The following GLIS3 variants were observed in gnomAD, a reference collection of about 807,000 sequenced individuals.
GLIS3 encodes zinc finger protein GLIS3.
Under a neutral mutation model 78.6 loss-of-function variants are expected in GLIS3, and 53 were observed. That is an observed-to-expected ratio of 0.67 (90% CI 0.54 to 0.85). The LOEUF (loss-of-function observed/expected upper bound fraction) is 0.85. Among genes scored for constraint, GLIS3 ranks in the 40% least tolerant of loss-of-function variants. The pLI is 0.00. For synonymous variants in GLIS3, 684 were observed against 509.9 expected, an observed-to-expected ratio of 1.34 and a Z score of -4.60; for missense variants, 1,703 against 1,231.1, an observed-to-expected ratio of 1.38 and a Z score of -5.74.
At chr9:3,936,563 A>T (rs1011742982) in intron 5 of GLIS3, among the ~76,000 whole-genome samples, 2 of 152,190 alleles carry the variant, frequency 1.3e-5, no homozygotes, top group African/African-American at 4.8e-5. Context: ...CACTCTTGAA[A>T]ATCATTCTAG....
intron 2 of GLIS3, among the ~76,000 whole-genome samples, chr9:4,262,933 CA>C (rs34292499): frequency 0.28 from 27,207 of 97,832 alleles, 2,461 homozygotes; most frequent in Admixed American, 0.36. Context: ...GTGTTTGCCT[CA>C]AAAAAAAAAA....
intron 2 of GLIS3, among the ~76,000 whole-genome samples, chr9:4,177,478 A>G (rs1242037054): frequency 6.6e-6 from 1 of 152,216 alleles, no homozygotes; most frequent in Non-Finnish European, 1.5e-5. Context: ...TGAAACAGAT[A>G]CAGGTGAAGG....
chr9:4,103,319 C>A (rs922419901), intron 4 of GLIS3, among the ~76,000 whole-genome samples: 48 of 152,198 alleles, frequency 3.2e-4, no homozygotes, highest in African/African-American at 1.1e-3. Context: ...AACCTGAGTA[C>A]AACCCATAAG....
chr9:4,474,094 G>C, the GLIS3 span, among the ~76,000 whole-genome samples: 1 of 152,122 alleles, frequency 6.6e-6, no homozygotes, highest in Non-Finnish European at 1.5e-5. Flanking sequence ...ACATCTGTAA[G>C]CTATCTAAAT....
chr9:4,336,889 C>A (rs746491251), intron 2 of GLIS3, among the ~76,000 whole-genome samples: 11 of 152,134 alleles, frequency 7.2e-5, no homozygotes, highest in Non-Finnish European at 1.3e-4. Context: ...CATGAATACT[C>A]ATATATTCTG....
At chr9:3,927,560 G>A (rs1164925310) in intron 6 of GLIS3, among the ~76,000 whole-genome samples, 1 of 152,166 alleles carries the variant, frequency 6.6e-6, no homozygotes, top group African/African-American at 2.4e-5. Context: ...ATAAGATCCT[G>A]GACCATTACC....
At chr9:4,192,850 A>G (rs1352776768) in intron 2 of GLIS3, among the ~76,000 whole-genome samples, 1 of 152,168 alleles carries the variant, frequency 6.6e-6, no homozygotes, top group Non-Finnish European at 1.5e-5. Flanking sequence ...AGAGATAAAG[A>G]AAGAGAAAAA....
At chr9:4,200,830 C>T (rs1169975537) in intron 2 of GLIS3, among the ~76,000 whole-genome samples, 1 of 152,114 alleles carries the variant, frequency 6.6e-6, no homozygotes, top group Non-Finnish European at 1.5e-5. Context: ...CTGCCTAACT[C>T]GTTCTATGAT....
At chr9:3,837,834 T>C (rs1161844314) in intron 9 of GLIS3, among the ~76,000 whole-genome samples, 4 of 152,212 alleles carry the variant, frequency 2.6e-5, no homozygotes, top group Admixed American at 1.3e-4. Context: ...GGTGGATAGA[T>C]GCCATTATAC....
chr9:4,085,704 C>A (rs1828966195), intron 4 of GLIS3, among the ~76,000 whole-genome samples: 1 of 152,144 alleles, frequency 6.6e-6, no homozygotes, highest in African/African-American at 2.4e-5. Context: ...TTAGCGCTAT[C>A]CCCTCGGTGC....
chr9:4,064,771 C>T (rs1826954171), intron 4 of GLIS3, among the ~76,000 whole-genome samples: 1 of 152,166 alleles, frequency 6.6e-6, no homozygotes, highest in South Asian at 2.1e-4. Context: ...GAGGAAACTA[C>T]TTAAATCTTA....
At chr9:4,017,711 T>A (rs1822552181) in intron 4 of GLIS3, among the ~76,000 whole-genome samples, 1 of 152,022 alleles carries the variant, frequency 6.6e-6, no homozygotes, top group East Asian at 1.9e-4. Flanking sequence ...GGTATCAGAG[T>A]GTTGGTAGAG....
At chr9:4,393,455 T>C in the GLIS3 span, among the ~76,000 whole-genome samples, 1 of 152,196 alleles carries the variant, frequency 6.6e-6, no homozygotes, top group Non-Finnish European at 1.5e-5. Flanking sequence ...CTAATCCACG[T>C]TCCATATCCT....
chr9:3,939,736 T>C (rs889585874), intron 4 of GLIS3, among the ~76,000 whole-genome samples: 1 of 152,170 alleles, frequency 6.6e-6, no homozygotes, highest in Non-Finnish European at 1.5e-5. Flanking sequence ...AATGAAGGGT[T>C]TGACCTCATT....
At chr9:4,216,742 A>G (rs1373775998) in intron 2 of GLIS3, among the ~76,000 whole-genome samples, 2 of 152,168 alleles carry the variant, frequency 1.3e-5, no homozygotes, top group Non-Finnish European at 2.9e-5. Context: ...GAAACTCCCA[A>G]GACTTTACTA....
At chr9:4,389,526 A>G in the GLIS3 span, among the ~76,000 whole-genome samples, 1 of 152,222 alleles carries the variant, frequency 6.6e-6, no homozygotes, top group Non-Finnish European at 1.5e-5. Context: ...TAGAGTCTGC[A>G]TTTCCAAAGG....
intron 4 of GLIS3, among the ~76,000 whole-genome samples, chr9:4,027,945 C>A (rs895736500): frequency 6.6e-6 from 1 of 152,186 alleles, no homozygotes; most frequent in Non-Finnish European, 1.5e-5. Context: ...CAAGGTAGAA[C>A]CCAGTGGGTG....
intron 4 of GLIS3, among the ~76,000 whole-genome samples, chr9:4,099,164 T>A (rs1322192512): frequency 2.0e-5 from 3 of 152,230 alleles, no homozygotes; most frequent in Non-Finnish European, 4.4e-5. Flanking sequence ...ATTAGATTCC[T>A]AGGGCTGCTA....
At chr9:4,369,071 C>G in the GLIS3 span, among the ~76,000 whole-genome samples, 1 of 152,106 alleles carries the variant, frequency 6.6e-6, no homozygotes, top group Non-Finnish European at 1.5e-5. Flanking sequence ...TTTAATCAGA[C>G]CACAAGTACT....
Sources: allele counts gnomAD v4.1 joint callset (sites outside exome capture counted in the v4.1 genomes callset), GRCh38; gene constraint gnomAD v4.1.1; transcripts MANE v1.5; gene names NCBI Gene and HGNC (gene_info 2026-07-23, HGNC 2026-07-21).